ZNF493: variants seen among roughly 807,000 people sequenced by gnomAD.
ZNF493 encodes zinc finger protein 493.
A neutral mutation model predicts 12.2 loss-of-function variants in ZNF493; 11 were observed. The observed-to-expected ratio is 0.90, with a 90% CI of 0.57 to 1.50. ZNF493 has a LOEUF of 1.50. Among genes scored for constraint, ZNF493 ranks in the 40% most tolerant of loss-of-function variants. ZNF493 has a pLI of 0.00. For synonymous variants in ZNF493, 286 were observed against 302.6 expected, an observed-to-expected ratio of 0.95 and a Z score of 0.57; for missense variants, 950 against 906.6, an observed-to-expected ratio of 1.05 and a Z score of -0.61.
chr19:21,401,382 T>C (rs987788262), intron 1 of ZNF493, among the ~76,000 whole-genome samples: 3 of 152,186 alleles, frequency 2.0e-5, no homozygotes, highest in Non-Finnish European at 4.4e-5. Flanking sequence ...TTTTCATCAA[T>C]GTTCATTAAA....
chr19:21,422,193 T>C (rs2145308080), intron 3 of ZNF493, among the ~76,000 whole-genome samples: 1 of 152,226 alleles, frequency 6.6e-6, no homozygotes, highest in Non-Finnish European at 1.5e-5. Context: ...TACACCTGTT[T>C]TCTTTCTGTG....
chr19:21,397,397 C>A, intron 1 of ZNF493, 130 bp downstream of exon 1: 1 of 1,202,282 alleles, frequency 8.3e-7, no homozygotes, highest in Non-Finnish European at 1.2e-6. Flanking sequence ...TCTCCTTGCC[C>A]AGCTCGGCCT....
chr19:21,414,840 TTTAG>T (rs2030432591), intron 3 of ZNF493, among the ~76,000 whole-genome samples: 2 of 152,308 alleles, frequency 1.3e-5, no homozygotes, highest in South Asian at 4.1e-4. Context: ...TTGGTTTACA[TTTAG>T]TTATTTTAGG....
At chr19:21,419,913 C>G (rs1039320641) in intron 3 of ZNF493, among the ~76,000 whole-genome samples, 2 of 152,150 alleles carry the variant, frequency 1.3e-5, no homozygotes, top group African/African-American at 4.8e-5. Context: ...CCTCTCCCCA[C>G]TTTGGTGCCA....
Position 21,423,066 on chromosome 19 carries a change from A to G in ZNF493, c.407A>G (p.Lys136Arg), listed in dbSNP as rs753912256. The G allele has an allele frequency of 1.9e-6, 3 of 1,613,780 alleles. No individual in the cohort carries two copies. The highest frequency in any genetic ancestry group is 2.2e-5 in the East Asian group (1 of 44,798). ...CKSMNECNVH[K>R]EGYNELNQYL... ...AGTATGAATGAGTGTAATGTGCACA[A>G]AGAAGGTTATAATGAACTAAACCAG... Residue 136 changes from lysine to arginine, a missense_variant, in exon 4 of 4, where the codon AAA becomes AGA. Transcript: ENST00000392288.
chr19:21,397,917 T>G (rs1346915951), intron 1 of ZNF493: 1 of 152,620 alleles, frequency 6.6e-6, no homozygotes, highest in Non-Finnish European at 1.5e-5. Context: ...TTACAGTTGC[T>G]GAAGCCTGAA....
rs1322940711 is a variant in ZNF493 at position 21,426,277 on chromosome 19, AC to A, written c.*1294del. The A allele has an allele frequency of 5.2e-6, 1 of 190,708 alleles. No individual in the cohort carries two copies. The highest frequency in any genetic ancestry group is 1.6e-4 in the East Asian group (1 of 6,370). The allele number at this position is 190,708 out of a possible 1,614,324, so 11.8% of individuals were successfully genotyped here. ...TTGGAAAAATTTCCTACAAGTAAGAACAATGTGGCAAAGTTTTTAACTAATA... is the reference window on the plus strand; with the variant it reads ...TTGGAAAAATTTCCTACAAGTAAGAAAATGTGGCAAAGTTTTTAACTAATA... On this transcript the variant is annotated 3_prime_UTR_variant, in exon 4 of 4. Transcript: ENST00000392288.
rs1402813689 is a variant in ZNF493 at position 21,424,926 on chromosome 19, T to C, written c.2267T>C (p.Leu756Pro). 2 of 1,609,880 alleles carry C rather than the reference T, an allele frequency of 1.2e-6. No homozygotes were observed. Among genetic ancestry groups the C allele is most frequent in the African/African-American group, 2.7e-5 (2 of 74,646 alleles). Residue 756 changes from leucine to proline, a missense_variant, in exon 4 of 4, where the codon CTT (leucine) becomes CCT (proline). By Grantham distance (98) the Leu-to-Pro change is moderately conservative. Coordinates refer to ENST00000392288, the MANE Select transcript of ZNF493 (RefSeq NM_001076678.3). ...AAAGCTTTTAGGCGGTCTTCACATC[T>C]TAGTAGACATAAGATAATTCATATT... ...CGKAFRRSSH[L>P]SRHKIIHIGI...
Position 21,405,109 on chromosome 19 carries a change from T to TG in ZNF493, c.31-20_31-19insG, listed in dbSNP as rs71176868. The TG allele has an allele frequency of 3.7e-6, 6 of 1,608,232 alleles. No individual in the cohort carries two copies. The highest frequency in any genetic ancestry group is 3.4e-5 in the Admixed American group (2 of 59,070). On this transcript the variant is annotated intron_variant, in intron 1 of 3. Transcript: ENST00000392288. ...GTAAATGTGTGTGTGTGTGTGTGTG[T>TG]TTGTGTGTGTTTGTTTCAGGGGCCG...
At chr19:21,405,704 A>T in intron 2 of ZNF493, 57 bp from the exon 3 acceptor site, 1 of 1,422,242 alleles carries the variant, frequency 7.0e-7, no homozygotes, top group Non-Finnish European at 9.9e-7. Context: ...GCATGGTACT[A>T]GGTAGGTAAT....
At position 21,410,935 on chromosome 19, in the gene ZNF493, G is replaced by A. The variant is rs143048743; in HGVS notation, c.253+5079G>A. On this transcript the variant is annotated intron_variant, in intron 3 of 3. Coordinates refer to ENST00000392288, the MANE Select transcript of ZNF493 (RefSeq NM_001076678.3). ...AGCCTCCCAAGTAGCTGGGATTACA[G>A]GCATGCATCACCATACCCAGCTAAT... is the stretch of plus-strand genomic sequence containing the variant. Among the ~76,000 whole-genome samples the A allele has an allele frequency of 4.6e-3, 702 of 152,134 alleles. 10 individuals carry two copies. The highest frequency in any genetic ancestry group is 0.016 in the African/African-American group (678 of 41,500).
intron 1 of ZNF493, among the ~76,000 whole-genome samples, chr19:21,401,826 T>C (rs2029955606): frequency 6.6e-6 from 1 of 152,058 alleles, no homozygotes; most frequent in Non-Finnish European, 1.5e-5. Flanking sequence ...GGTTTCACCA[T>C]GTTGGCCAGG....
rs1443029827 is a variant in ZNF493 at position 21,427,286 on chromosome 19, T to G, written c.*2302T>G. ...CTAGTATATTATTCATATATTTTACTAATTGTACTTTTTTTATTATACTTT... is the reference window on the plus strand; with the variant it reads ...CTAGTATATTATTCATATATTTTACGAATTGTACTTTTTTTATTATACTTT... On this transcript the variant is annotated 3_prime_UTR_variant, in exon 4 of 4. Transcript: ENST00000392288. The G allele has an allele frequency of 6.0e-6, 1 of 166,590 alleles. No homozygotes were observed. Among genetic ancestry groups the G allele is most frequent in the Non-Finnish European group, 1.5e-5 (1 of 68,128 alleles). 10.3% of individuals were successfully genotyped at this position (166,590 alleles called of 1,614,324 possible).
chr19:21,410,060 G>GTGTATATATA (rs1491483385), intron 3 of ZNF493, among the ~76,000 whole-genome samples: 31 of 43,954 alleles, frequency 7.1e-4, no homozygotes, highest in African/African-American at 2.0e-3. Flanking sequence ...TTCATTGTGT[G>GTGTATATATA]TATATATATA....
rs2030779198 is a variant in ZNF493 at position 21,424,194 on chromosome 19, C to T, written c.1535C>T (p.Thr512Ile). 6.2e-7 allele frequency: 1 copy of T among 1,612,550 alleles called. No individual in the cohort carries two copies. Among genetic ancestry groups the T allele is most frequent in the Non-Finnish European group, 8.5e-7 (1 of 1,179,056 alleles). ...STLSIHKIIH[T>I]GEKPYKCEEC... is the part of the protein sequence containing the mutation. The stretch of plus-strand genomic sequence containing the variant: ...CTTAGTATACATAAAATAATTCATA[C>T]TGGAGAAAAACCCTACAAATGTGAA... The change falls in exon 4 of 4, where the codon ACT becomes ATT. Residue 512 changes from threonine (T) to isoleucine (I), a missense_variant. Physicochemically the swap from Thr to Ile is moderately conservative, Grantham distance 89. Transcript: ENST00000392288.
chr19:21,406,806 G>A (rs914785963), intron 3 of ZNF493, among the ~76,000 whole-genome samples: 2 of 151,094 alleles, frequency 1.3e-5, no homozygotes, highest in African/African-American at 4.9e-5. Flanking sequence ...TAAAATCGTA[G>A]TTTTCATTAC....
At chr19:21,420,335 A>G (rs1317041178) in intron 3 of ZNF493, among the ~76,000 whole-genome samples, 1 of 151,346 alleles carries the variant, frequency 6.6e-6, no homozygotes, top group Non-Finnish European at 1.5e-5. Flanking sequence ...TGTTTTGTGT[A>G]TCTATATAGA....
chr19:21,415,488 G>C (rs2030459702), intron 3 of ZNF493, among the ~76,000 whole-genome samples: 1 of 152,172 alleles, frequency 6.6e-6, no homozygotes, highest in Non-Finnish European at 1.5e-5. Context: ...GGGTCCCCAA[G>C]TAGGAGTAGG....
At chr19:21,399,324 C>A (rs1974223933) in intron 1 of ZNF493, among the ~76,000 whole-genome samples, 1 of 151,992 alleles carries the variant, frequency 6.6e-6, no homozygotes, top group African/African-American at 2.4e-5. Flanking sequence ...CCATGCCCGG[C>A]TAATTTTTTG....
Sources: gnomAD v4.1 joint callset for allele counts (sites outside exome capture counted in the v4.1 genomes callset) on GRCh38, gnomAD v4.1.1 for gene constraint, MANE v1.5 for transcripts, NCBI Gene and HGNC (gene_info 2026-07-23, HGNC 2026-07-21) for gene names.